Variants in GRM7 observed in about 807,000 individuals in gnomAD.
GRM7 encodes glutamate metabotropic receptor 7, also known as metabotropic glutamate receptor 7.
GRM7 carries 35 observed loss-of-function variants against 84.5 expected under a neutral mutation model. That is an observed-to-expected ratio of 0.41 (90% CI 0.32 to 0.55). The LOEUF (loss-of-function observed/expected upper bound fraction) is 0.55, where lower values mean the gene tolerates loss of function less well. GRM7 is among the 20% of genes least tolerant of loss of function. The probability of loss-of-function intolerance (pLI) is 0.19; values close to 1 mark genes in which losing one functional copy is unlikely to be tolerated. For synonymous variants in GRM7, 487 were observed against 455.1 expected (o/e 1.07, Z -0.89); for missense variants, 1,003 against 1,194.6 (o/e 0.84, Z 2.36).
chr3:7,570,801 C>A (rs1385573308), intron 7 of GRM7, among the ~76,000 whole-genome samples: 4 of 152,242 alleles, frequency 2.6e-5, no homozygotes, highest in Non-Finnish European at 5.9e-5. Context: ...CCGCACTGCT[C>A]TAGCAGATGT....
intron 1 of GRM7, among the ~76,000 whole-genome samples, chr3:6,933,996 GA>G (rs1697599671): frequency 6.6e-6 from 1 of 152,174 alleles, no homozygotes; most frequent in African/African-American, 2.4e-5. Flanking sequence ...CTAAGTGAGG[GA>G]AAGTAAGGAG....
rs1699899886 is a variant in GRM7 at position 7,298,784 on chromosome 3, C to T, written c.837C>T (p.Asn279=). Residue 279 remains asparagine (N), a synonymous_variant, in exon 3 of 10, where the codon AAC becomes AAT. Transcript: ENST00000357716. ...TCAAACAGCTCCTGGACACCCCCAA[C>T]TCCAGGGCCGTCGTGATTTTTGCCA... The part of the protein sequence containing the change: ...RIIKQLLDTP[N]SRAVVIFAND... 5.0e-6 allele frequency: 8 copies of T among 1,613,528 alleles called. No homozygotes were observed. Among genetic ancestry groups the T allele is most frequent in the African/African-American group, 1.3e-5 (1 of 74,910 alleles).
In GRM7 at chr3:7,691,389, G is replaced by C. The variant is rs547516296; in HGVS notation, c.2698+11094G>C. On this transcript the variant is annotated intron_variant, in intron 9 of 9. Coordinates refer to ENST00000357716, the MANE Select transcript of GRM7 (RefSeq NM_000844.4). Reference sequence around the variant, plus strand: ...ATGTGCTATCTTTTTCTCTGGTCAAGAAAAAGAAAAACTGGACTGGGAGTC... The same window carrying C: ...ATGTGCTATCTTTTTCTCTGGTCAACAAAAAGAAAAACTGGACTGGGAGTC... 1.5e-3 allele frequency: 760 copies of C among 514,448 alleles called. 8 individuals carry two copies. Among genetic ancestry groups the C allele is most frequent in the South Asian group, 0.01 (443 of 43,130 alleles). 31.9% of individuals were successfully genotyped at this position (514,448 alleles called of 1,614,324 possible).
intron 7 of GRM7, among the ~76,000 whole-genome samples, chr3:7,555,829 G>C (rs1340356823): frequency 6.6e-6 from 1 of 152,122 alleles, no homozygotes; most frequent in Non-Finnish European, 1.5e-5. Context: ...CCTGCCATCT[G>C]TATAGCTGTC....
chr3:7,349,450 C>T (rs1395636023), intron 4 of GRM7, among the ~76,000 whole-genome samples: 1 of 152,148 alleles, frequency 6.6e-6, no homozygotes, highest in African/African-American at 2.4e-5. Context: ...TTTGTCTTCT[C>T]CACATGTATT....
intron 8 of GRM7, among the ~76,000 whole-genome samples, chr3:7,612,372 A>C (rs1293464548): frequency 6.6e-6 from 1 of 152,180 alleles, no homozygotes; most frequent in Non-Finnish European, 1.5e-5. Context: ...TGTATTTCCT[A>C]TGCCAGGCCC....
chr3:7,308,891 G>A (rs1700292262), intron 4 of GRM7, among the ~76,000 whole-genome samples: 1 of 152,126 alleles, frequency 6.6e-6, no homozygotes, highest in Non-Finnish European at 1.5e-5. Context: ...AAATTATTGA[G>A]GTAAAATATT....
rs567191809 is a variant in GRM7 at position 7,085,038 on chromosome 3, G to A, written c.520-61414G>A. Among the ~76,000 whole-genome samples the A allele has an allele frequency of 4.6e-4, 70 of 152,270 alleles. 1 individual carries two copies. The highest frequency in any genetic ancestry group is 1.7e-3 in the African/African-American group (70 of 41,560). On this transcript the variant is annotated intron_variant, in intron 1 of 9. Coordinates refer to ENST00000357716, the MANE Select transcript of GRM7 (RefSeq NM_000844.4). ...CATGAGCATTTCATATCCTCAGGTA[G>A]TATTCCATATCTGATTTAATAGCTT...
intron 9 of GRM7, among the ~76,000 whole-genome samples, chr3:7,731,364 C>A (rs1304038420): frequency 6.6e-6 from 1 of 152,210 alleles, no homozygotes; most frequent in East Asian, 1.9e-4. Context: ...TTGTTCTATT[C>A]ATCTCTAAGA....
At chr3:7,013,550 G>A (rs1454985274) in intron 1 of GRM7, among the ~76,000 whole-genome samples, 6 of 152,096 alleles carry the variant, frequency 3.9e-5, no homozygotes, top group African/African-American at 1.4e-4. Flanking sequence ...TATTCTTAAT[G>A]CTTTTATAAT....
intron 4 of GRM7, among the ~76,000 whole-genome samples, chr3:7,335,338 G>T (rs1016504696): frequency 1.3e-5 from 2 of 151,928 alleles, no homozygotes; most frequent in African/African-American, 4.8e-5. Flanking sequence ...AAATTTTGAT[G>T]GAAATTTAAA....
chr3:7,572,434 T>G (rs1487241481), intron 7 of GRM7, among the ~76,000 whole-genome samples: 1 of 152,100 alleles, frequency 6.6e-6, no homozygotes, highest in Non-Finnish European at 1.5e-5. Flanking sequence ...CTTAGGGAAG[T>G]CTCATCCATC....
chr3:7,118,245 G>A (rs984317532), intron 1 of GRM7, among the ~76,000 whole-genome samples: 1 of 151,650 alleles, frequency 6.6e-6, no homozygotes, highest in Non-Finnish European at 1.5e-5. Flanking sequence ...ATAAAAATTA[G>A]CTGGGCATGG....
At chr3:7,012,950 G>A (rs1415333680) in intron 1 of GRM7, among the ~76,000 whole-genome samples, 1 of 152,064 alleles carries the variant, frequency 6.6e-6, no homozygotes, top group African/African-American at 2.4e-5. Flanking sequence ...ATGTTGTCCA[G>A]GCTGGTCTCG....
chr3:6,878,084 C>A (rs1212014327), intron 1 of GRM7, among the ~76,000 whole-genome samples: 2 of 151,920 alleles, frequency 1.3e-5, no homozygotes, highest in Non-Finnish European at 2.9e-5. Flanking sequence ...ATGTCTTAGT[C>A]CAGTTTTAAT....
At chr3:7,541,851 T>C (rs777830357) in intron 7 of GRM7, among the ~76,000 whole-genome samples, 2 of 152,170 alleles carry the variant, frequency 1.3e-5, no homozygotes, top group Non-Finnish European at 2.9e-5. Flanking sequence ...ACATGTATTA[T>C]TTCACAATTC....
At chr3:7,534,021 T>A (rs1460779356) in intron 7 of GRM7, among the ~76,000 whole-genome samples, 1 of 150,906 alleles carries the variant, frequency 6.6e-6, no homozygotes, top group African/African-American at 2.4e-5. Flanking sequence ...ACTTTTTTTT[T>A]TTTTTTTTTT....
chr3:7,001,899 G>A (rs1695026135), intron 1 of GRM7, among the ~76,000 whole-genome samples: 1 of 152,302 alleles, frequency 6.6e-6, no homozygotes, highest in Admixed American at 6.5e-5. Context: ...TTCAGCCAAT[G>A]ACATGTGTGT....
intron 1 of GRM7, among the ~76,000 whole-genome samples, chr3:7,133,989 A>G (rs1395475499): frequency 6.6e-6 from 1 of 152,194 alleles, no homozygotes; most frequent in African/African-American, 2.4e-5. Context: ...GATCTCAGAA[A>G]GCCTCGTTAC....
Sources: gnomAD v4.1 joint callset for allele counts (sites outside exome capture counted in the v4.1 genomes callset) on GRCh38, gnomAD v4.1.1 for gene constraint, MANE v1.5 for transcripts, NCBI Gene and HGNC (gene_info 2026-07-23, HGNC 2026-07-21) for gene names.